The following PDE4B variants were observed in gnomAD, a reference collection of about 807,000 sequenced individuals.
PDE4B encodes the protein 3',5'-cyclic-AMP phosphodiesterase 4B.
Under a neutral mutation model 82.2 loss-of-function variants are expected in PDE4B, and 20 were observed. The observed-to-expected ratio is 0.24, with a 90% confidence interval of 0.17 to 0.35. The LOEUF (loss-of-function observed/expected upper bound fraction) is 0.35. Among genes scored for constraint, PDE4B ranks in the 10% least tolerant of loss-of-function variants. The probability of loss-of-function intolerance (pLI) is 1.00; values close to 1 mark genes in which losing one functional copy is unlikely to be tolerated. For synonymous variants in PDE4B, 320 were observed against 318.9 expected, an observed-to-expected ratio of 1.00 and a Z score of -0.04; for missense variants, 655 against 907.2, an observed-to-expected ratio of 0.72 and a Z score of 3.57.
intron 3 of PDE4B, among the ~76,000 whole-genome samples, chr1:66,240,274 T>C (rs1652787937): frequency 6.6e-6 from 1 of 152,228 alleles, no homozygotes; most frequent in South Asian, 2.1e-4. Context: ...TGTTCATTTG[T>C]TTATTCATCA....
At chr1:66,204,591 C>T (rs1053701643) in intron 3 of PDE4B, among the ~76,000 whole-genome samples, 10 of 152,218 alleles carry the variant, frequency 6.6e-5, no homozygotes, top group Admixed American at 1.3e-4. Flanking sequence ...GCAGTCTGAT[C>T]TCAGACTGCT....
intron 3 of PDE4B, among the ~76,000 whole-genome samples, chr1:66,059,680 C>G (rs1461887392): frequency 6.6e-6 from 1 of 152,148 alleles, no homozygotes; most frequent in Non-Finnish European, 1.5e-5. Context: ...CAGAAAAGAC[C>G]TGCCCCCATG....
At chr1:66,119,861 G>C (rs1470104205) in intron 3 of PDE4B, among the ~76,000 whole-genome samples, 1 of 152,070 alleles carries the variant, frequency 6.6e-6, no homozygotes, top group East Asian at 1.9e-4. Flanking sequence ...CCTTGGGACA[G>C]ATATACTCAG....
intron 3 of PDE4B, among the ~76,000 whole-genome samples, chr1:65,966,974 T>A (rs1287724971): frequency 6.6e-6 from 1 of 152,130 alleles, no homozygotes; most frequent in African/African-American, 2.4e-5. Flanking sequence ...GACATAGGCA[T>A]GGGCAAAGAC....
intron 8 of PDE4B, among the ~76,000 whole-genome samples, chr1:66,354,084 T>C (rs546007917): frequency 6.6e-6 from 1 of 152,200 alleles, no homozygotes; most frequent in Non-Finnish European, 1.5e-5. Context: ...GGCACACGCT[T>C]GGTGTGTGCG....
chr1:66,260,469 A>T (rs1654599026), intron 6 of PDE4B, among the ~76,000 whole-genome samples: 1 of 152,228 alleles, frequency 6.6e-6, no homozygotes, highest in African/African-American at 2.4e-5. Flanking sequence ...TTCAGGAATT[A>T]AACATGAGGG....
chr1:65,841,312 A>G (rs1356130570), intron 1 of PDE4B, among the ~76,000 whole-genome samples: 3 of 151,970 alleles, frequency 2.0e-5, no homozygotes, highest in African/African-American at 7.3e-5. Flanking sequence ...TCAAAGAAGG[A>G]AAGAAAAAAA....
In PDE4B at chr1:65,893,571, T is replaced by C. The variant is rs183896839; in HGVS notation, c.-70-19674T>C. The stretch of plus-strand genomic sequence containing the variant: ...GGAATGTAAATTAGTGCAACCACCA[T>C]GGAAGACAGTATGGAGATTCCTTAA... On this transcript the variant is annotated intron_variant, in intron 1 of 16. Coordinates refer to ENST00000341517, the MANE Select transcript of PDE4B (RefSeq NM_002600.4). Among the ~76,000 whole-genome samples, 116 of 152,198 alleles carry C rather than the reference T, an allele frequency of 7.6e-4. 1 individual carries two copies. Among genetic ancestry groups the C allele is most frequent in the African/African-American group, 2.6e-3 (110 of 41,542 alleles).
chr1:66,180,141 G>T (rs530272614), intron 3 of PDE4B, among the ~76,000 whole-genome samples: 9 of 152,308 alleles, frequency 5.9e-5, no homozygotes, highest in Non-Finnish European at 1.3e-4. Flanking sequence ...AGGTAGGGAG[G>T]AAGCCAACAT....
chr1:66,190,473 G>T (rs950192829), intron 3 of PDE4B, among the ~76,000 whole-genome samples: 5 of 152,178 alleles, frequency 3.3e-5, no homozygotes, highest in Non-Finnish European at 7.4e-5. Context: ...GAGCTGTGGT[G>T]GGCTCCACCC....
chr1:65,836,017 C>T (rs961986260), intron 1 of PDE4B, among the ~76,000 whole-genome samples: 2 of 152,012 alleles, frequency 1.3e-5, no homozygotes, highest in African/African-American at 4.8e-5. Flanking sequence ...TCTCAGTTTA[C>T]TGCAACCTCC....
chr1:66,046,690 T>C (rs2100846009), intron 3 of PDE4B, among the ~76,000 whole-genome samples: 1 of 151,978 alleles, frequency 6.6e-6, no homozygotes, highest in South Asian at 2.1e-4. Flanking sequence ...AATTACATGT[T>C]TTTGGCCATA....
intron 2 of PDE4B, among the ~76,000 whole-genome samples, chr1:65,914,718 C>A (rs1647139694): frequency 1.3e-5 from 2 of 151,852 alleles, no homozygotes; most frequent in Non-Finnish European, 2.9e-5. Flanking sequence ...ACGGACAAAC[C>A]ATTAGTTCTT....
At chr1:65,968,765 T>C (rs1649981085) in intron 3 of PDE4B, among the ~76,000 whole-genome samples, 2 of 152,212 alleles carry the variant, frequency 1.3e-5, no homozygotes, top group African/African-American at 2.4e-5. Flanking sequence ...TAGTAACTTA[T>C]GTTTTATTAA....
intron 3 of PDE4B, among the ~76,000 whole-genome samples, chr1:66,185,989 A>C (rs1489082115): frequency 6.6e-6 from 1 of 152,144 alleles, no homozygotes; most frequent in Non-Finnish European, 1.5e-5. Flanking sequence ...TAAGTCTTTA[A>C]CCCATCTTGA....
chr1:65,913,785 C>T (rs1647124606), intron 2 of PDE4B, among the ~76,000 whole-genome samples: 2 of 152,178 alleles, frequency 1.3e-5, no homozygotes. Context: ...CACACATCCC[C>T]TAGGCCTTTG....
chr1:66,185,379 C>T (rs4384212), intron 3 of PDE4B, among the ~76,000 whole-genome samples: 80,578 of 151,958 alleles, frequency 0.53, 22,051 homozygotes, highest in South Asian at 0.67. Context: ...CTGGGTCAAA[C>T]GGTATTTCTA....
chr1:66,202,127 G>T (rs1204713832), intron 3 of PDE4B, among the ~76,000 whole-genome samples: 2 of 152,056 alleles, frequency 1.3e-5, no homozygotes, highest in African/African-American at 2.4e-5. Context: ...TCAGGAGCAG[G>T]TTGTTCAGTT....
intron 3 of PDE4B, among the ~76,000 whole-genome samples, chr1:66,166,532 G>A (rs12067417): frequency 0.017 from 2,512 of 152,116 alleles, 62 homozygotes; most frequent in African/African-American, 0.058. Context: ...TCAGGAGTTA[G>A]AGACAAGCCT....
Sources: gnomAD v4.1 joint callset for allele counts (sites outside exome capture counted in the v4.1 genomes callset) on GRCh38, gnomAD v4.1.1 for gene constraint, MANE v1.5 for transcripts, NCBI Gene and HGNC (gene_info 2026-07-23, HGNC 2026-07-21) for gene names.